Variants in WDR46 observed in about 807,000 individuals in gnomAD.
WDR46 encodes the protein WD repeat domain 46.
WDR46 carries 58 observed loss-of-function variants against 74.7 expected under a neutral mutation model. The observed-to-expected ratio is 0.78, with a 90% CI of 0.63 to 0.97. The LOEUF is 0.97. Ranked by LOEUF, WDR46 falls within the 50% of genes least tolerant of loss-of-function variation. WDR46 has a pLI of 0.00. For missense variants in WDR46, 702 were observed against 790.1 expected (o/e 0.89, Z 1.34); for synonymous variants, 278 against 297.3 (o/e 0.93, Z 0.67).
chr6:33,280,372 C>G (rs541670015), intron 12 of WDR46, 56 bp downstream of exon 12: 2 of 1,534,408 alleles, frequency 1.3e-6, no homozygotes, highest in Non-Finnish European at 1.8e-6. Context: ...GACGGGGGAA[C>G]CTGACCCTCT....
At chr6:33,282,881 G>A (rs1766305236) in intron 10 of WDR46, among the ~76,000 whole-genome samples, 3 of 152,198 alleles carry the variant, frequency 2.0e-5, no homozygotes, top group African/African-American at 4.8e-5. Flanking sequence ...TAAATATGGA[G>A]TAAAAAGGGC....
chr6:33,287,590 A>T (rs374964517), intron 7 of WDR46, 24 bp downstream of exon 7: 35 of 1,613,322 alleles, frequency 2.2e-5, no homozygotes, highest in Non-Finnish European at 2.9e-5. Context: ...ACCCCAACTG[A>T]CCGCTGACAG....
chr6:33,286,909 G>A lies in WDR46; in HGVS notation c.1016-15C>T, dbSNP rs565168580. 1.4e-5 allele frequency: 22 copies of A among 1,613,616 alleles called. No homozygotes were observed. Among genetic ancestry groups the A allele is most frequent in the South Asian group, 5.5e-5 (5 of 91,048 alleles). On this transcript the variant is annotated splice_polypyrimidine_tract_variant and intron_variant, in intron 9 of 14. Coordinates refer to ENST00000374617, the MANE Select transcript of WDR46 (RefSeq NM_005452.6). Reference sequence around the variant, plus strand: ...AGACACAGTACCTGGAAGAGAAGAAGAACCAAAGTTGCTAATACACACCTA... The same window carrying A: ...AGACACAGTACCTGGAAGAGAAGAAAAACCAAAGTTGCTAATACACACCTA...
intron 3 of WDR46, 65 bp downstream of exon 3, chr6:33,288,549 C>T: frequency 6.2e-7 from 1 of 1,608,796 alleles, no homozygotes; most frequent in South Asian, 1.1e-5. Flanking sequence ...CTGTCCCAGC[C>T]TCCATCCAAC....
intron 6 of WDR46, 109 bp from the exon 7 acceptor site, chr6:33,287,827 T>C: frequency 6.6e-7 from 1 of 1,507,608 alleles, no homozygotes; most frequent in Non-Finnish European, 9.2e-7. Flanking sequence ...CAGACACATG[T>C]TGCTGTAGGT....
chr6:33,283,403 C>T (rs1454989072), intron 10 of WDR46, among the ~76,000 whole-genome samples: 1 of 152,072 alleles, frequency 6.6e-6, no homozygotes, highest in Non-Finnish European at 1.5e-5. Context: ...CAGAGACCAG[C>T]CTGGGCTACA....
chr6:33,288,459 A>C lies in WDR46; in HGVS notation c.372T>G (p.Ser124=). The C allele has an allele frequency of 6.2e-7, 1 of 1,614,112 alleles. No individual in the cohort carries two copies. Among genetic ancestry groups the C allele is most frequent in the Non-Finnish European group, 8.5e-7 (1 of 1,180,038 alleles). The change falls in exon 4 of 15, where the codon TCT becomes TCG. Residue 124 remains serine (S), a synonymous_variant. Coordinates refer to ENST00000374617, the MANE Select transcript of WDR46 (RefSeq NM_005452.6). ...CAAGTCGGCTTCGAGTTTTGGCTTT[A>C]GAATGTGGTAGCTGTAACATTGTTG... is the stretch of plus-strand genomic sequence containing the variant. The part of the protein sequence containing the change: ...RIDKSRKLPH[S]KAKTRSRLEV...
rs1024023678 is a variant in WDR46 at position 33,289,135 on chromosome 6, C to T, written c.36G>A (p.Pro12=). 1.2e-6 allele frequency: 2 copies of T among 1,612,956 alleles called. No individual in the cohort carries two copies. Among genetic ancestry groups the T allele is most frequent in the African/African-American group, 2.7e-5 (2 of 74,682 alleles). The change falls in exon 1 of 15, where the codon CCG becomes CCA. Residue 12 remains proline (P), a synonymous_variant. Transcript: ENST00000374617. ...ETAPKPGKDV[P]PKKDKLQTKR... ...TGGTCTGAAGTTTGTCTTTCTTGGG[C>T]GGGACATCCTTGCCCGGCTTGGGGG...
At chr6:33,287,803 T>C (rs1001895197) in intron 6 of WDR46, 85 bp from the exon 7 acceptor site, 1 of 1,548,002 alleles carries the variant, frequency 6.5e-7, no homozygotes, top group Non-Finnish European at 8.9e-7. Flanking sequence ...GCCAGCCCCA[T>C]CTCTCCAGGC....
chr6:33,282,976 A>T (rs1476795576), intron 10 of WDR46, among the ~76,000 whole-genome samples: 4 of 152,126 alleles, frequency 2.6e-5, no homozygotes, highest in Admixed American at 1.3e-4. Flanking sequence ...CTTTGGGAGG[A>T]CAGGCGGGTG....
chr6:33,280,007 C>T (rs1335108433), intron 12 of WDR46, 148 bp from the exon 13 acceptor site: 2 of 714,898 alleles, frequency 2.8e-6, no homozygotes, highest in Non-Finnish European at 2.3e-6. Context: ...AACCCCAAAC[C>T]ACACCTTCCC....
Position 33,288,899 on chromosome 6 carries a change from A to T in WDR46, c.184T>A (p.Tyr62Asn). ...ELRPQRPKNA[Y>N]ILKKSRISKK... ...GAGATCCGAGACTTCTTTAAGATGT[A>T]AGCATTTTTTGGTCTCTGAGGACGG... Residue 62 changes from tyrosine to asparagine, a missense_variant, in exon 2 of 15, where the codon TAC becomes AAC. Coordinates refer to ENST00000374617, the MANE Select transcript of WDR46 (RefSeq NM_005452.6). The T allele has an allele frequency of 1.9e-6, 3 of 1,614,054 alleles. No individual in the cohort carries two copies. Among genetic ancestry groups the T allele is most frequent in the Non-Finnish European group, 2.5e-6 (3 of 1,180,000 alleles).
chr6:33,288,377 G>A lies in WDR46; in HGVS notation c.454C>T (p.Leu152=), dbSNP rs1271129712. The A allele has an allele frequency of 6.2e-7, 1 of 1,614,202 alleles. No homozygotes were observed. The highest frequency in any genetic ancestry group is 8.5e-7 in the Non-Finnish European group (1 of 1,180,056). ...TSIKAARSEL[L]LAEEPGFLEG... is the part of the protein sequence containing the mutation. ...ACTCACCCAGGTTCTTCAGCAAGCA[G>A]CAGCTCAGAACGAGCAGCTTTGATA... The change falls in exon 4 of 15, where the codon CTG becomes TTG. Residue 152 remains leucine (L), a synonymous_variant. Coordinates refer to ENST00000374617, the MANE Select transcript of WDR46 (RefSeq NM_005452.6).
chr6:33,283,043 T>G (rs567677665), intron 10 of WDR46, among the ~76,000 whole-genome samples: 1 of 152,272 alleles, frequency 6.6e-6, no homozygotes, highest in East Asian at 1.9e-4. Context: ...ATTCCATCTG[T>G]ACTACAAATA....
In WDR46 at chr6:33,279,478, C is replaced by T; in HGVS notation, c.1734+19G>A. 6.2e-7 allele frequency: 1 copy of T among 1,611,556 alleles called. No individual in the cohort carries two copies. On this transcript the variant is annotated intron_variant, in intron 14 of 14. Coordinates refer to ENST00000374617, the MANE Select transcript of WDR46 (RefSeq NM_005452.6). ...GGTGCAGCCTGTGGAAGGCCCGGCC[C>T]ATGCCAATGCTCATTTACCCTGTGT...
At chr6:33,283,210 A>G (rs1462320872) in intron 10 of WDR46, among the ~76,000 whole-genome samples, 4 of 151,488 alleles carry the variant, frequency 2.6e-5, no homozygotes, top group African/African-American at 9.7e-5. Flanking sequence ...CTCCGTCTCA[A>G]AAAAAAAAGA....
chr6:33,288,586 A>C, intron 3 of WDR46, 28 bp downstream of exon 3: 1 of 1,609,014 alleles, frequency 6.2e-7, no homozygotes, highest in Non-Finnish European at 8.5e-7. Flanking sequence ...TGCCTCCAGC[A>C]CTTCCCAACT....
At chr6:33,288,076 T>C (rs1766851425) in intron 5 of WDR46, 50 bp from the exon 6 acceptor site, 2 of 1,613,916 alleles carry the variant, frequency 1.2e-6, no homozygotes, top group African/African-American at 1.3e-5. Context: ...TAACGCCTTC[T>C]TCTAGCCCCC....
At position 33,279,574 on chromosome 6, in the gene WDR46, T is replaced by TTGGCTG; in HGVS notation, c.1651_1656dup (p.Gln551_Pro552dup). The TTGGCTG allele has an allele frequency of 6.2e-7, 1 of 1,614,192 alleles. No individual in the cohort carries two copies. The highest frequency in any genetic ancestry group is 1.3e-5 in the African/African-American group (1 of 75,066). On this transcript the variant is annotated inframe_insertion, in exon 14 of 15. Transcript: ENST00000374617. ...GAGCTGCGGCCCTTCTGCTTTGGCT[T>TTGGCTG]TGGCTGGAAGGGAGCCTTAGCCTGC...
Sources: gnomAD v4.1 joint callset for allele counts (sites outside exome capture counted in the v4.1 genomes callset) on GRCh38, gnomAD v4.1.1 for gene constraint, MANE v1.5 for transcripts, NCBI Gene and HGNC (gene_info 2026-07-23, HGNC 2026-07-21) for gene names.